The following CHN2 variants were observed in gnomAD, a reference collection of about 807,000 sequenced individuals.
The protein encoded by CHN2 is beta-chimaerin.
A neutral mutation model predicts 56.3 loss-of-function variants in CHN2; 35 were observed. The ratio of observed to expected loss-of-function variants is 0.62; its 90% CI spans 0.47 to 0.82. CHN2 has a LOEUF of 0.82. CHN2 is among the 40% of genes least tolerant of loss of function. The pLI, the probability that CHN2 is intolerant of heterozygous loss-of-function variation, is 0.00. For synonymous variants in CHN2, 210 were observed against 212.8 expected, an observed-to-expected ratio of 0.99 and a Z score of 0.12; for missense variants, 491 against 580.5, an observed-to-expected ratio of 0.85 and a Z score of 1.58.
At chr7:29,394,955 C>T (rs1359615009) in intron 4 of CHN2, among the ~76,000 whole-genome samples, 1 of 152,248 alleles carries the variant, frequency 6.6e-6, no homozygotes, top group South Asian at 2.1e-4. Flanking sequence ...AAAGGAACAT[C>T]TTTTATTAGA....
At chr7:29,391,648 A>T (rs1290632658) in intron 3 of CHN2, among the ~76,000 whole-genome samples, 3 of 152,124 alleles carry the variant, frequency 2.0e-5, no homozygotes, top group Non-Finnish European at 4.4e-5. Flanking sequence ...GCATCTTTCA[A>T]GGCACCCTAA....
intron 1 of CHN2, among the ~76,000 whole-genome samples, chr7:29,352,274 A>C (rs555448494): frequency 6.6e-6 from 1 of 152,192 alleles, no homozygotes; most frequent in South Asian, 2.1e-4. Flanking sequence ...CATAGAGTAA[A>C]CCTCATCCAA....
At chr7:29,230,164 C>G (rs1260596481) in intron 1 of CHN2, among the ~76,000 whole-genome samples, 1 of 152,028 alleles carries the variant, frequency 6.6e-6, no homozygotes, top group Non-Finnish European at 1.5e-5. Context: ...GCCAAATTTG[C>G]TTTAGAAGGC....
chr7:29,287,888 T>G (rs1460934446), intron 1 of CHN2, among the ~76,000 whole-genome samples: 1 of 152,212 alleles, frequency 6.6e-6, no homozygotes, highest in African/African-American at 2.4e-5. Flanking sequence ...CTTCTTCCTA[T>G]CTTCTTGCTT....
intron 2 of CHN2, among the ~76,000 whole-genome samples, chr7:29,173,471 A>G (rs1226200747): frequency 6.6e-6 from 1 of 152,136 alleles, no homozygotes; most frequent in Non-Finnish European, 1.5e-5. Flanking sequence ...TAACAACAAG[A>G]AAATGAGGAA....
intron 2 of CHN2, among the ~76,000 whole-genome samples, chr7:29,367,087 C>T (rs940397761): frequency 3.3e-5 from 5 of 151,664 alleles, no homozygotes; most frequent in African/African-American, 7.3e-5. Context: ...TTTTTTTCAA[C>T]CTGTATTTTC....
chr7:29,237,500 A>G (rs200586852), intron 1 of CHN2, among the ~76,000 whole-genome samples: 1 of 151,766 alleles, frequency 6.6e-6, no homozygotes, highest in Non-Finnish European at 1.5e-5. Context: ...ACAAAACTTG[A>G]TTTTTTTTTC....
At chr7:29,303,100 C>T (rs564179615) in intron 1 of CHN2, among the ~76,000 whole-genome samples, 8 of 152,322 alleles carry the variant, frequency 5.3e-5, no homozygotes, top group Admixed American at 4.6e-4. Flanking sequence ...CTATGCCTTG[C>T]CATTGTGCGT....
chr7:29,230,638 G>T (rs1469027188), intron 1 of CHN2, among the ~76,000 whole-genome samples: 1 of 152,104 alleles, frequency 6.6e-6, no homozygotes, highest in Middle Eastern at 3.2e-3. Flanking sequence ...ACCATGCCAG[G>T]CCTCCTCTTT....
chr7:29,216,508 C>T (rs1007479882), intron 1 of CHN2, among the ~76,000 whole-genome samples: 1 of 152,198 alleles, frequency 6.6e-6, no homozygotes, highest in African/African-American at 2.4e-5. Flanking sequence ...ACATTTCTTT[C>T]TTTGTCACTT....
intron 1 of CHN2, among the ~76,000 whole-genome samples, chr7:29,235,513 T>C (rs1451818301): frequency 6.6e-6 from 1 of 152,200 alleles, no homozygotes; most frequent in African/African-American, 2.4e-5. Flanking sequence ...AACTACCATT[T>C]AACCAAGCAA....
intron 2 of CHN2, among the ~76,000 whole-genome samples, chr7:29,174,924 A>G (rs1797090731): frequency 6.6e-6 from 1 of 152,120 alleles, no homozygotes. Flanking sequence ...AGAGAGAGAC[A>G]CAAAATAAAC....
chr7:29,158,120 T>G, intron 2 of CHN2, among the ~76,000 whole-genome samples: 1 of 152,108 alleles, frequency 6.6e-6, no homozygotes, highest in East Asian at 1.9e-4. Context: ...TGAACACTGG[T>G]TAAGAAGAGG....
chr7:29,256,785 ATTCTATAGTATTTGAG>A (rs1789112494), intron 1 of CHN2, among the ~76,000 whole-genome samples: 1 of 152,078 alleles, frequency 6.6e-6, no homozygotes, highest in Middle Eastern at 3.2e-3. Flanking sequence ...CAGGGAGCCA[ATTCTATAGTATTTGAG>A]GAGGAACCGA....
In CHN2 at chr7:29,420,287, T is replaced by C. The variant is rs191195408; in HGVS notation, c.576+19459T>C. Among the ~76,000 whole-genome samples, 3 of 152,256 alleles carry C rather than the reference T, an allele frequency of 2.0e-5. No individual in the cohort carries two copies. The East Asian group carries it at 5.8e-4, about 29-fold the overall frequency. On this transcript the variant is annotated intron_variant, in intron 6 of 12. Coordinates refer to ENST00000222792, the MANE Select transcript of CHN2 (RefSeq NM_004067.4). ...ACTTCTGGGTATATAGCCAAAAGAA[T>C]TGAAAGCAGGATCTCAAAGAGAAAT...
At chr7:29,254,210 T>G (rs1788876618) in intron 1 of CHN2, among the ~76,000 whole-genome samples, 1 of 152,174 alleles carries the variant, frequency 6.6e-6, no homozygotes, top group Non-Finnish European at 1.5e-5. Context: ...GCCGCTATTC[T>G]TTTTCTACTA....
intron 1 of CHN2, among the ~76,000 whole-genome samples, chr7:29,220,280 A>AGAGAGAGAGAG (rs1554366786): frequency 1.3e-4 from 18 of 138,164 alleles, no homozygotes; most frequent in South Asian, 2.3e-4. Flanking sequence ...AAAAAAAAAA[A>AGAGAGAGAGAG]AGAGAGAGAG....
intron 1 of CHN2, among the ~76,000 whole-genome samples, chr7:29,249,013 CCT>C (rs1358223696): frequency 6.6e-6 from 1 of 152,102 alleles, no homozygotes; most frequent in Admixed American, 6.5e-5. Flanking sequence ...TTCTTTTGCC[CCT>C]GTTTTGGTCA....
intron 1 of CHN2, among the ~76,000 whole-genome samples, chr7:29,247,274 C>G (rs1335016432): frequency 5.3e-5 from 8 of 152,190 alleles, no homozygotes; most frequent in African/African-American, 1.9e-4. Flanking sequence ...TTTTGGATTT[C>G]TGTTTCAAAT....
Sources: allele counts gnomAD v4.1 joint callset (sites outside exome capture counted in the v4.1 genomes callset), GRCh38; gene constraint gnomAD v4.1.1; transcripts MANE v1.5; gene names NCBI Gene and HGNC (gene_info 2026-07-23, HGNC 2026-07-21).